The following ROBO2 variants were observed in gnomAD, a reference collection of about 807,000 sequenced individuals.
ROBO2 encodes roundabout guidance receptor 2, also known as roundabout homolog 2.
Under a neutral mutation model 160.8 loss-of-function variants are expected in ROBO2, and 53 were observed. That is an observed-to-expected ratio of 0.33 (90% CI 0.26 to 0.41). The LOEUF (loss-of-function observed/expected upper bound fraction) is 0.41. Among genes scored for constraint, ROBO2 ranks in the 10% least tolerant of loss-of-function variants. The pLI, the probability that ROBO2 is intolerant of heterozygous loss-of-function variation, is 1.00. For missense variants in ROBO2, 1,577 were observed against 1,722.4 expected, an observed-to-expected ratio of 0.92 and a Z score of 1.49; for synonymous variants, 664 against 611.7, an observed-to-expected ratio of 1.09 and a Z score of -1.26.
intron 2 of ROBO2, among the ~76,000 whole-genome samples, chr3:75,952,431 T>C (rs1333977499): frequency 6.6e-6 from 1 of 152,040 alleles, no homozygotes; most frequent in Admixed American, 6.6e-5. Flanking sequence ...CTTACTAAAA[T>C]TGTGTGTTTT....
intron 2 of ROBO2, among the ~76,000 whole-genome samples, chr3:77,337,386 C>T (rs1277139252): frequency 6.6e-6 from 1 of 152,030 alleles, no homozygotes; most frequent in Admixed American, 6.6e-5. Flanking sequence ...GGTAAAGCAG[C>T]CAATTCTGTT....
At chr3:76,814,206 G>A (rs1576797392) in intron 2 of ROBO2, among the ~76,000 whole-genome samples, 1 of 152,128 alleles carries the variant, frequency 6.6e-6, no homozygotes, top group African/African-American at 2.4e-5. Context: ...TAGACTGACT[G>A]TTTCAACTCA....
At chr3:77,254,885 C>A (rs1390576221) in intron 2 of ROBO2, among the ~76,000 whole-genome samples, 2 of 152,204 alleles carry the variant, frequency 1.3e-5, no homozygotes, top group African/African-American at 4.8e-5. Context: ...AAGGTCAGAT[C>A]TTCTGACACA....
At chr3:76,725,638 C>T (rs1371472622) in intron 2 of ROBO2, among the ~76,000 whole-genome samples, 1 of 152,162 alleles carries the variant, frequency 6.6e-6, no homozygotes, top group Non-Finnish European at 1.5e-5. Context: ...TCTGTAAGAA[C>T]TCTATGGGAA....
At chr3:75,950,373 A>T (rs909814735) in intron 2 of ROBO2, among the ~76,000 whole-genome samples, 2 of 152,034 alleles carry the variant, frequency 1.3e-5, no homozygotes, top group African/African-American at 4.8e-5. Context: ...AAGGAACTGA[A>T]GGATTACATA....
At chr3:76,163,075 C>A (rs553108694) in intron 2 of ROBO2, among the ~76,000 whole-genome samples, 1 of 152,016 alleles carries the variant, frequency 6.6e-6, no homozygotes, top group South Asian at 2.1e-4. Context: ...TAAAACATTT[C>A]GAGTCTTTCT....
chr3:77,188,254 A>G (rs528765236), intron 2 of ROBO2, among the ~76,000 whole-genome samples: 22 of 152,038 alleles, frequency 1.4e-4, no homozygotes, highest in African/African-American at 5.3e-4. Flanking sequence ...GGACTTACAA[A>G]CATACGGAAA....
At chr3:76,629,856 T>G (rs2089914216) in intron 2 of ROBO2, among the ~76,000 whole-genome samples, 1 of 152,184 alleles carries the variant, frequency 6.6e-6, no homozygotes, top group South Asian at 2.1e-4. Flanking sequence ...TCTATGCAAG[T>G]ACATCATCAA....
intron 2 of ROBO2, among the ~76,000 whole-genome samples, chr3:76,501,456 T>G (rs774000230): frequency 1.3e-5 from 2 of 152,230 alleles, no homozygotes; most frequent in Non-Finnish European, 2.9e-5. Context: ...AATACCATGC[T>G]AAATTTCTTT....
chr3:76,496,907 T>G (rs2080179315), intron 2 of ROBO2, among the ~76,000 whole-genome samples: 1 of 152,204 alleles, frequency 6.6e-6, no homozygotes, highest in Admixed American at 6.5e-5. Context: ...CTCTTGCCCC[T>G]CTATGGTCTA....
At chr3:76,229,608 T>A (rs1218530615) in intron 2 of ROBO2, among the ~76,000 whole-genome samples, 1 of 152,156 alleles carries the variant, frequency 6.6e-6, no homozygotes, top group Admixed American at 6.5e-5. Flanking sequence ...TAATGATGTA[T>A]CTCATATAAA....
chr3:76,127,032 G>A (rs2071016269), intron 2 of ROBO2, among the ~76,000 whole-genome samples: 1 of 152,110 alleles, frequency 6.6e-6, no homozygotes, highest in South Asian at 2.1e-4. Flanking sequence ...AGGAGACTTT[G>A]TTGTCAAATT....
At chr3:76,725,553 A>C (rs1042085181) in intron 2 of ROBO2, among the ~76,000 whole-genome samples, 2 of 152,218 alleles carry the variant, frequency 1.3e-5, no homozygotes, top group African/African-American at 2.4e-5. Flanking sequence ...CTATATGTGC[A>C]GATGCTTATT....
At chr3:77,011,791 T>C (rs2061938802) in intron 2 of ROBO2, among the ~76,000 whole-genome samples, 1 of 152,166 alleles carries the variant, frequency 6.6e-6, no homozygotes. Context: ...AATATCATTA[T>C]AATGTGCTAT....
intron 2 of ROBO2, among the ~76,000 whole-genome samples, chr3:76,323,172 CA>C (rs1175198931): frequency 3.7e-4 from 56 of 151,542 alleles, no homozygotes; most frequent in Admixed American, 4.6e-4. Context: ...CACACACACA[CA>C]CACCCCTAAA....
chr3:77,475,867 C>A (rs1387845048), intron 2 of ROBO2, among the ~76,000 whole-genome samples: 1 of 152,180 alleles, frequency 6.6e-6, no homozygotes, highest in African/African-American at 2.4e-5. Flanking sequence ...ATAAATCACA[C>A]CTTTCTTGCC....
intron 2 of ROBO2, among the ~76,000 whole-genome samples, chr3:76,122,209 C>T (rs146568993): frequency 1.3e-5 from 2 of 151,928 alleles, no homozygotes; most frequent in African/African-American, 4.8e-5. Context: ...AATTTAGAGT[C>T]AGTCAAACAT....
At chr3:76,563,748 A>G (rs1467087357) in intron 2 of ROBO2, among the ~76,000 whole-genome samples, 2 of 152,202 alleles carry the variant, frequency 1.3e-5, no homozygotes, top group African/African-American at 2.4e-5. Context: ...ATTTTTCCAC[A>G]TGACATAATA....
chr3:76,925,341 C>A (rs1038693072), intron 2 of ROBO2, among the ~76,000 whole-genome samples: 7 of 151,894 alleles, frequency 4.6e-5, no homozygotes, highest in African/African-American at 1.7e-4. Flanking sequence ...TGGGATACTT[C>A]ATATATTTGC....
Sources: gnomAD v4.1 joint callset for allele counts (sites outside exome capture counted in the v4.1 genomes callset) on GRCh38, gnomAD v4.1.1 for gene constraint, MANE v1.5 for transcripts, NCBI Gene and HGNC (gene_info 2026-07-23, HGNC 2026-07-21) for gene names.